Variants in FOXK2 observed in about 807,000 individuals in gnomAD.
FOXK2 encodes forkhead box protein K2.
Under a neutral mutation model 53.3 loss-of-function variants are expected in FOXK2, and 24 were observed. That is an observed-to-expected ratio of 0.45 (90% CI 0.33 to 0.63). FOXK2 has a LOEUF of 0.63. Among genes scored for constraint, FOXK2 ranks in the 30% least tolerant of loss-of-function variants. The pLI is 0.03. For missense variants in FOXK2, 952 were observed against 910.5 expected, an observed-to-expected ratio of 1.05 and a Z score of -0.59; for synonymous variants, 505 against 407.1, an observed-to-expected ratio of 1.24 and a Z score of -2.89.
chr17:82,584,272 G>A, intron 6 of FOXK2, 84 bp downstream of exon 6: 1 of 1,396,732 alleles, frequency 7.2e-7, no homozygotes, highest in East Asian at 2.5e-5. Flanking sequence ...GAAACAGCCG[G>A]ACTGGAGGCC....
chr17:82,584,481 C>CA (rs1350512366), intron 6 of FOXK2, among the ~76,000 whole-genome samples: 2 of 137,540 alleles, frequency 1.5e-5, no homozygotes, highest in Non-Finnish European at 3.2e-5. Context: ...CCACCCCCCG[C>CA]AAAAAAATCA....
intron 8 of FOXK2, among the ~76,000 whole-genome samples, chr17:82,598,063 G>A (rs533115229): frequency 6.7e-6 from 1 of 150,068 alleles, no homozygotes; most frequent in South Asian, 2.1e-4. Context: ...CTCGTGATCG[G>A]CACATCCGTC....
Position 82,584,167 on chromosome 17 carries a change from C to T in FOXK2, c.1258C>T (p.Arg420Trp), listed in dbSNP as rs150409126. 4 of 1,606,630 alleles carry T rather than the reference C, an allele frequency of 2.5e-6. No individual in the cohort carries two copies. The highest frequency in any genetic ancestry group is 2.2e-5 in the East Asian group (1 of 44,746). ...CAAACTCGCTGTCATCCAGGAAGCC[C>T]GGTTTGCCCAGAGCGCCCCAGGTGA... is the stretch of plus-strand genomic sequence containing the variant. ...QPKLAVIQEA[R>W]FAQSAPGSPL... The change falls in exon 6 of 9, where the codon CGG becomes TGG. Residue 420 changes from arginine (R) to tryptophan (W), a missense_variant. By Grantham distance (101) the Arg-to-Trp change is moderately radical (BLOSUM62 -3). Transcript: ENST00000335255.
intron 1 of FOXK2, among the ~76,000 whole-genome samples, chr17:82,535,620 T>C (rs2044512300): frequency 6.6e-6 from 1 of 152,180 alleles, no homozygotes; most frequent in Non-Finnish European, 1.5e-5. Flanking sequence ...GAGCTTTTCA[T>C]GTTTGTCATT....
intron 1 of FOXK2, among the ~76,000 whole-genome samples, chr17:82,527,557 G>C (rs1230201302): frequency 1.3e-5 from 2 of 152,104 alleles, no homozygotes; most frequent in Non-Finnish European, 2.9e-5. Context: ...TGAACCCACA[G>C]GGTGAAGGTT....
chr17:82,587,001 C>G (rs912744066), intron 7 of FOXK2, 62 bp from the exon 8 acceptor site: 25 of 1,523,564 alleles, frequency 1.6e-5, no homozygotes, highest in Non-Finnish European at 2.1e-5. Context: ...ATGTTTTAAA[C>G]TGGCAAGATT....
chr17:82,570,230 AAG>A (rs2044901966), intron 3 of FOXK2, among the ~76,000 whole-genome samples: 1 of 149,674 alleles, frequency 6.7e-6, no homozygotes, highest in South Asian at 2.1e-4. Flanking sequence ...TCAAAAAAAA[AAG>A]AGAGACAAAT....
intron 8 of FOXK2, among the ~76,000 whole-genome samples, chr17:82,596,918 C>T (rs537672479): frequency 2.2e-3 from 335 of 152,340 alleles, no homozygotes; most frequent in African/African-American, 7.5e-3. Context: ...AGTGCTGCTC[C>T]AAGTTACAGT....
intron 5 of FOXK2, among the ~76,000 whole-genome samples, chr17:82,583,201 G>C (rs941948081): frequency 5.9e-5 from 9 of 152,228 alleles, no homozygotes; most frequent in African/African-American, 1.9e-4. Context: ...GTTCATACCA[G>C]TGCCACGTCG....
In FOXK2 at chr17:82,604,531, T is replaced by C. The variant is rs981452802; in HGVS notation, c.*3032T>C. 6.6e-6 allele frequency: 1 copy of C among 152,664 alleles called. No individual in the cohort carries two copies. The highest frequency in any genetic ancestry group is 1.5e-5 in the Non-Finnish European group (1 of 68,046). The allele number at this position is 152,664 out of a possible 1,614,324, so 9.5% of individuals were successfully genotyped here. A position where few individuals can be genotyped will look rare whatever the true frequency, so the allele number is the denominator to read the frequency against. ...TTCTAGAAAGTATAGTGGTGATTTG[T>C]GTGCAAAGATTTGAAGTTTTAAAAA... On this transcript the variant is annotated 3_prime_UTR_variant, in exon 9 of 9. Transcript: ENST00000335255.
chr17:82,576,346 G>A (rs2044985890), intron 4 of FOXK2, among the ~76,000 whole-genome samples: 1 of 152,254 alleles, frequency 6.6e-6, no homozygotes, highest in South Asian at 2.1e-4. Flanking sequence ...GCTCGCTCCA[G>A]AGGCGTCTGA....
intron 7 of FOXK2, among the ~76,000 whole-genome samples, chr17:82,586,452 G>A (rs57717357): frequency 0.14 from 341 of 2,494 alleles, 52 homozygotes; most frequent in Middle Eastern, 0.25. Flanking sequence ...AGGTGGGCCG[G>A]GGGGGGAAAG....
chr17:82,520,569 T>A (rs1459544062), intron 1 of FOXK2, among the ~76,000 whole-genome samples: 1 of 152,176 alleles, frequency 6.6e-6, no homozygotes, highest in East Asian at 1.9e-4. Flanking sequence ...TGCGGGCGGC[T>A]GCGCGCGCGG....
chr17:82,534,074 C>CAAAA (rs781376612), intron 1 of FOXK2, among the ~76,000 whole-genome samples: 51 of 127,308 alleles, frequency 4.0e-4, no homozygotes, highest in Admixed American at 6.3e-4. Flanking sequence ...GACACTGTCT[C>CAAAA]AAAAAAAAAA....
intron 1 of FOXK2, among the ~76,000 whole-genome samples, chr17:82,530,591 A>T (rs769670156): frequency 2.7e-5 from 4 of 150,058 alleles, no homozygotes; most frequent in Non-Finnish European, 5.9e-5. Context: ...GCTCACTGCA[A>T]CGTCCTCCTC....
Position 82,601,897 on chromosome 17 carries a change from C to T in FOXK2, c.*398C>T, listed in dbSNP as rs763103127. The T allele has an allele frequency of 6.2e-5, 11 of 176,732 alleles. No individual in the cohort carries two copies. Among genetic ancestry groups the T allele is most frequent in the Non-Finnish European group, 1.1e-4 (9 of 82,766 alleles). The allele number at this position is 176,732 out of a possible 1,614,324, so 10.9% of individuals were successfully genotyped here. Reference sequence around the variant, plus strand: ...CGCCCTCACAGGACCCACCAGGCAGCGGAGACATGTGGAATTAGAGTATTT... The same window carrying T: ...CGCCCTCACAGGACCCACCAGGCAGTGGAGACATGTGGAATTAGAGTATTT... On this transcript the variant is annotated 3_prime_UTR_variant, in exon 9 of 9. Coordinates refer to ENST00000335255, the MANE Select transcript of FOXK2 (RefSeq NM_004514.4).
chr17:82,533,815 A>G (rs72861021), intron 1 of FOXK2, among the ~76,000 whole-genome samples: 27,226 of 151,042 alleles, frequency 0.18, 2,795 homozygotes, highest in Non-Finnish European at 0.24. Context: ...GTGGTGACGC[A>G]CAGCTGTAGG....
At chr17:82,581,477 G>GT (rs2045058550) in intron 4 of FOXK2, among the ~76,000 whole-genome samples, 1 of 117,026 alleles carries the variant, frequency 8.5e-6, no homozygotes, top group Non-Finnish European at 1.9e-5. Context: ...TTTTTGTGTG[G>GT]GTTTTTTTTT....
chr17:82,521,767 A>G (rs2044364406), intron 1 of FOXK2, among the ~76,000 whole-genome samples: 1 of 127,152 alleles, frequency 7.9e-6, no homozygotes, highest in Non-Finnish European at 1.7e-5. Flanking sequence ...CGTCTCTACT[A>G]AAAATACAAA....
Sources: allele counts gnomAD v4.1 joint callset (sites outside exome capture counted in the v4.1 genomes callset), GRCh38; gene constraint gnomAD v4.1.1; transcripts MANE v1.5; gene names NCBI Gene and HGNC (gene_info 2026-07-23, HGNC 2026-07-21).